The following ZNF814 variants were observed in gnomAD, a reference collection of about 807,000 sequenced individuals.
ZNF814 encodes the protein zinc finger protein 814.
Under a neutral mutation model 7.5 loss-of-function variants are expected in ZNF814, and 5 were observed. The ratio of observed to expected loss-of-function variants is 0.67; its 90% CI spans 0.35 to 1.40. The LOEUF (loss-of-function observed/expected upper bound fraction) is 1.40, where lower values mean the gene tolerates loss of function less well. ZNF814 is among the 40% of genes most tolerant of loss of function. The pLI is 0.04. For synonymous variants in ZNF814, 315 were observed against 340.7 expected (o/e 0.92, Z 0.83); for missense variants, 962 against 1,018.0 (o/e 0.94, Z 0.75).
In ZNF814 at chr19:57,874,173, T is replaced by C. The variant is rs1348939674; in HGVS notation, c.1217A>G (p.Lys406Arg). ...CCCACATTCTCCACATTCATAATGTTTTTTGTCAGTGTGAACTCTCTGATG... is the reference window on the plus strand; with the variant it reads ...CCCACATTCTCCACATTCATAATGTCTTTTGTCAGTGTGAACTCTCTGATG... ...SNHQRVHTDK[K>R]HYECGECGKS... is the part of the protein sequence containing the mutation. The change falls in exon 3 of 3, where the codon AAA (lysine) becomes AGA (arginine). Residue 406 changes from lysine to arginine, a missense_variant. By Grantham distance (26) the Lys-to-Arg change is conservative (BLOSUM62 2). Around this residue, in one of 7 missense-constraint regions of ZNF814, gnomAD observed 665 missense variants for 551.4 expected, o/e 1.21. Transcript: ENST00000435989. 4 of 1,586,910 alleles carry C rather than the reference T, an allele frequency of 2.5e-6. No homozygotes were observed. The highest frequency in any genetic ancestry group is 1.7e-4 in the Middle Eastern group (1 of 6,052).
At chr19:57,877,593 C>T (rs868479271) in intron 1 of ZNF814, among the ~76,000 whole-genome samples, 1 of 152,006 alleles carries the variant, frequency 6.6e-6, no homozygotes, top group Non-Finnish European at 1.5e-5. Flanking sequence ...CAGGCATGTA[C>T]CACCACACCT....
At chr19:57,884,731 A>G (rs756410831) in intron 1 of ZNF814, among the ~76,000 whole-genome samples, 5 of 152,220 alleles carry the variant, frequency 3.3e-5, no homozygotes, top group Non-Finnish European at 5.9e-5. Flanking sequence ...AAAATGGCTT[A>G]TTTATATCCA....
chr19:57,876,799 C>G (rs375911258), intron 2 of ZNF814, 117 bp downstream of exon 2: 5 of 1,529,262 alleles, frequency 3.3e-6, no homozygotes, highest in Non-Finnish European at 2.6e-6. Flanking sequence ...AACCTACCCA[C>G]AGAACTGAAG....
At chr19:57,901,803 G>A in the ZNF814 span, 3 of 398,246 alleles carry the variant, frequency 7.5e-6, no homozygotes, top group African/African-American at 6.2e-5. Flanking sequence ...CCTCCCTACT[G>A]TAAAAGCAAC....
rs758196228 is a variant in ZNF814 at position 57,873,379 on chromosome 19, G to A, written c.2011C>T (p.His671Tyr). ...KCGECGKCFSHKGNLILHQHG... is the reference protein window; with the variant it reads ...KCGECGKCFSYKGNLILHQHG... The stretch of plus-strand genomic sequence containing the variant: ...TGGTGTAGAATGAGGTTACCCTTGT[G>A]ACTAAAACATTTCCCACATTCCCCA... Residue 671 changes from histidine to tyrosine, a missense_variant, in exon 3 of 3, where the codon CAC (histidine) becomes TAC (tyrosine). By Grantham distance (83) the His-to-Tyr change is moderately conservative (BLOSUM62 2). This residue lies in a region of ZNF814 where 665 missense variants were observed against 551.4 expected (regional missense o/e 1.21). Coordinates refer to ENST00000435989, the MANE Select transcript of ZNF814 (RefSeq NM_001144989.2). 94 of 1,605,388 alleles carry A rather than the reference G, an allele frequency of 5.9e-5. No homozygotes were observed. The highest frequency in any genetic ancestry group is 7.7e-5 in the Non-Finnish European group (90 of 1,175,876).
At chr19:57,904,037 G>T in the ZNF814 span, among the ~76,000 whole-genome samples, 2 of 152,166 alleles carry the variant, frequency 1.3e-5, no homozygotes, top group Admixed American at 1.3e-4. Flanking sequence ...AACCCCTTGT[G>T]GCTTGGAGAG....
chr19:57,877,662 C>T (rs1718697235), intron 1 of ZNF814, among the ~76,000 whole-genome samples: 1 of 151,944 alleles, frequency 6.6e-6, no homozygotes, highest in Admixed American at 6.6e-5. Flanking sequence ...AAGCTGGTCT[C>T]GAACTCCTGA....
upstream of ZNF814, among the ~76,000 whole-genome samples, chr19:57,893,075 C>G (rs1254681279): frequency 1.3e-5 from 2 of 152,080 alleles, no homozygotes; most frequent in Non-Finnish European, 2.9e-5. Flanking sequence ...GTGGTGCAGC[C>G]AGCTGGGTCA....
Position 57,872,207 on chromosome 19 carries a change from G to A in ZNF814, c.*615C>T, listed in dbSNP as rs996197531. Among the ~76,000 whole-genome samples, 1 of 152,154 alleles carries A rather than the reference G, an allele frequency of 6.6e-6. No homozygotes were observed. The highest frequency in any genetic ancestry group is 1.5e-5 in the Non-Finnish European group (1 of 68,028). ...GCTCAATAAATGACATTCAATCTAG[G>A]TAGGTGGCACTCTCAAAGGGTTACA... On this transcript the variant is annotated 3_prime_UTR_variant, in exon 3 of 3. Coordinates refer to ENST00000435989, the MANE Select transcript of ZNF814 (RefSeq NM_001144989.2).
chr19:57,891,084 G>T (rs1237600894), upstream of ZNF814, among the ~76,000 whole-genome samples: 6 of 152,108 alleles, frequency 3.9e-5, no homozygotes, highest in Non-Finnish European at 7.4e-5. Flanking sequence ...AAACCAAGAT[G>T]GCCATGAGAG....
the ZNF814 span, among the ~76,000 whole-genome samples, chr19:57,895,468 T>G: frequency 6.6e-6 from 1 of 151,690 alleles, no homozygotes; most frequent in African/African-American, 2.4e-5. Flanking sequence ...TAGAGATGGG[T>G]TTTCACCATG....
chr19:57,900,839 A>ATTTTTTTTTTTTTTTTTTTTTTTTTTTTT, the ZNF814 span, among the ~76,000 whole-genome samples: 5 of 45,774 alleles, frequency 1.1e-4, 1 homozygote, highest in East Asian at 1.6e-3. Context: ...CCATGGCTGC[A>ATTTTTTTTTTTTTTTTTTTTTTTTTTTTT]TTTTTTTTTT....
intron 1 of ZNF814, among the ~76,000 whole-genome samples, 188 bp downstream of exon 1, chr19:57,888,579 G>C (rs1449323666): frequency 1.3e-5 from 2 of 152,062 alleles, no homozygotes; most frequent in South Asian, 4.1e-4. Context: ...GCCTTTGCCC[G>C]CGCCAGTCCC....
intron 2 of ZNF814, chr19:57,876,649 G>A (rs2071609345): frequency 3.9e-6 from 2 of 507,222 alleles, no homozygotes; most frequent in Non-Finnish European, 6.9e-6. Flanking sequence ...ATCTGGACAA[G>A]GACACCCAAA....
upstream of ZNF814, among the ~76,000 whole-genome samples, chr19:57,891,452 G>T (rs1260437450): frequency 6.6e-6 from 1 of 151,736 alleles, no homozygotes; most frequent in East Asian, 2.0e-4. Context: ...GTGAACCCGG[G>T]AGGTGGAGCT....
the ZNF814 span, chr19:57,901,794 C>T: frequency 1.5e-5 from 6 of 398,488 alleles, no homozygotes; most frequent in Admixed American, 2.6e-4. Context: ...GGCGGTAAGC[C>T]TCCCTACTGT....
chr19:57,880,544 G>T (rs1376914255), intron 1 of ZNF814, among the ~76,000 whole-genome samples: 1 of 149,994 alleles, frequency 6.7e-6, no homozygotes, highest in East Asian at 1.9e-4. Flanking sequence ...CTCGAGAGGT[G>T]CAACAGAGCA....
intron 1 of ZNF814, among the ~76,000 whole-genome samples, chr19:57,883,660 CAAA>C (rs112035326): frequency 1.4e-4 from 18 of 129,400 alleles, no homozygotes; most frequent in African/African-American, 3.1e-4. Context: ...GACCCTGTCT[CAAA>C]AAAAAAAAAA....
chr19:57,875,369 T>A, intron 2 of ZNF814, 143 bp from the exon 3 acceptor site: 2 of 1,549,854 alleles, frequency 1.3e-6, no homozygotes. Context: ...CGGAAGATGG[T>A]GCTATGTATT....
Sources: gnomAD v4.1 joint callset for allele counts (sites outside exome capture counted in the v4.1 genomes callset) on GRCh38, gnomAD v4.1.1 for gene constraint, gnomAD v4.1.1 regional missense constraint, MANE v1.5 for transcripts, NCBI Gene and HGNC (gene_info 2026-07-23, HGNC 2026-07-21) for gene names.